The following SOHLH1 variants were observed in gnomAD, a reference collection of about 807,000 sequenced individuals.
The protein encoded by SOHLH1 is spermatogenesis and oogenesis specific basic helix-loop-helix 1, also known as spermatogenesis- and oogenesis-specific basic helix-loop-helix-containing protein 1.
SOHLH1 carries 23 observed loss-of-function variants against 36.2 expected under a neutral mutation model. That is an observed-to-expected ratio of 0.64 (90% CI 0.46 to 0.90). The LOEUF is 0.90. Ranked by LOEUF, SOHLH1 falls within the 40% of genes least tolerant of loss-of-function variation. The pLI, the probability that SOHLH1 is intolerant of heterozygous loss-of-function variation, is 0.00. For missense variants in SOHLH1, 608 were observed against 517.0 expected (o/e 1.18, Z -1.71); for synonymous variants, 289 against 228.3 (o/e 1.27, Z -2.40).
Position 135,697,638 on chromosome 9 carries a change from A to G in SOHLH1, c.346-11T>C. 1 of 1,609,542 alleles carries G rather than the reference A, an allele frequency of 6.2e-7. No homozygotes were observed. The highest frequency in any genetic ancestry group is 1.3e-5 in the African/African-American group (1 of 75,004). ...GGAGGAAGCAAGAATCTGAAATTTAAGTAAACATGTAAAACAAAGACAGAG... is the reference window on the plus strand; with the variant it reads ...GGAGGAAGCAAGAATCTGAAATTTAGGTAAACATGTAAAACAAAGACAGAG... On this transcript the variant is annotated splice_polypyrimidine_tract_variant and intron_variant, in intron 3 of 7. Transcript: ENST00000425225.
chr9:135,699,491 C>G (rs751452335), upstream of SOHLH1: 4 of 1,608,028 alleles, frequency 2.5e-6, no homozygotes, highest in Non-Finnish European at 3.4e-6. Context: ...CGGAGCGACC[C>G]CACGCGCACG....
chr9:135,693,934 T>C, intron 7 of SOHLH1, 120 bp from the exon 8 acceptor site: 1 of 1,447,226 alleles, frequency 6.9e-7, no homozygotes, highest in Non-Finnish European at 9.1e-7. Flanking sequence ...CTGTCCCCGC[T>C]GCACAGAGGC....
At position 135,699,078 on chromosome 9, in the gene SOHLH1, G is replaced by A. The variant is rs142235622; in HGVS notation, c.114C>T (p.Gly38=). The A allele has an allele frequency of 3.3e-5, 53 of 1,610,508 alleles. No homozygotes were observed. The highest frequency in any genetic ancestry group is 4.2e-5 in the Non-Finnish European group (50 of 1,179,522). ...ALSCCEDSAR[G]SGPPKAPTVA... ...CCGTAGGGGCCTTGGGCGGGCCCGA[G>A]CCCCGGGCCGAGTCCTCGCAGCAGG... Residue 38 remains glycine, a synonymous_variant, in exon 2 of 8, where the codon GGC becomes GGT. Transcript: ENST00000425225.
At chr9:135,694,990 G>A (rs1834730240) in intron 6 of SOHLH1, 60 bp downstream of exon 6, 1 of 1,500,812 alleles carries the variant, frequency 6.7e-7, no homozygotes, top group Admixed American at 1.9e-5. Flanking sequence ...AGGTGGGACA[G>A]GCTCACACAC....
chr9:135,693,706 T>G lies in SOHLH1; in HGVS notation c.1055A>C (p.Gln352Pro), dbSNP rs1225236163. 4 of 1,575,390 alleles carry G rather than the reference T, an allele frequency of 2.5e-6. No individual in the cohort carries two copies. Among genetic ancestry groups the G allele is most frequent in the Non-Finnish European group, 3.4e-6 (4 of 1,161,452 alleles). The change falls in exon 8 of 8, where the codon CAG becomes CCG. Residue 352 changes from glutamine to proline, a missense_variant. Physicochemically the swap from Gln to Pro is moderately conservative, Grantham distance 76. Coordinates refer to ENST00000425225, the MANE Select transcript of SOHLH1 (RefSeq NM_001101677.2). The stretch of plus-strand genomic sequence containing the variant: ...CTCCAGAGGGCTGTCCTGGAGCTCC[T>G]GGGAGCCAAGCTCAGGGTCCCCTAG... Reference protein sequence around the residue: ...GFLGDPELGSQELQDSPLEPW... With the variant: ...GFLGDPELGSPELQDSPLEPW...
In SOHLH1 at chr9:135,695,063, C is replaced by T. The variant is rs1455994558; in HGVS notation, c.862G>A (p.Ala288Thr). The T allele has an allele frequency of 2.5e-6, 4 of 1,595,792 alleles. No individual in the cohort carries two copies. Among genetic ancestry groups the T allele is most frequent in the Non-Finnish European group, 3.4e-6 (4 of 1,173,470 alleles). Residue 288 changes from alanine to threonine, a missense_variant, in exon 6 of 8, where the codon GCG becomes ACG. Coordinates refer to ENST00000425225, the MANE Select transcript of SOHLH1 (RefSeq NM_001101677.2). ...GEPAKEDPMLAQEAGSALGSD... is the reference protein window; with the variant it reads ...GEPAKEDPMLTQEAGSALGSD... Reference sequence around the variant, plus strand: ...CTGGGCACTCACCCGGCCTCCTGCGCCAGCATGGGGTCCTCCTTGGCTGGC... The same window carrying T: ...CTGGGCACTCACCCGGCCTCCTGCGTCAGCATGGGGTCCTCCTTGGCTGGC...
rs946851325 is a variant in SOHLH1 at position 135,697,582 on chromosome 9, C to T, written c.391G>A (p.Val131Ile). The T allele has an allele frequency of 3.7e-6, 6 of 1,612,510 alleles. No individual in the cohort carries two copies. The highest frequency in any genetic ancestry group is 1.7e-5 in the Admixed American group (1 of 59,990). ...KEMWHSLQED[V>I]LQLTLSSQIQ... ...TGACTCGACAACGTCAACTGTAAAA[C>T]ATCCTCCTGCAACGAGTGCCACATT... The change falls in exon 4 of 8, where the codon GTT (valine) becomes ATT (isoleucine). Residue 131 changes from valine to isoleucine, a missense_variant. Physicochemically the swap from Val to Ile is conservative, Grantham distance 29. Transcript: ENST00000425225.
At chr9:135,698,196 G>A (rs1588234270) in intron 3 of SOHLH1, 133 bp downstream of exon 3, 1 of 1,220,864 alleles carries the variant, frequency 8.2e-7, no homozygotes, top group East Asian at 2.3e-5. Context: ...CCGAAAACGT[G>A]GCCTGCTCTA....
intron 7 of SOHLH1, 158 bp from the exon 8 acceptor site, chr9:135,693,972 G>T: frequency 1.4e-6 from 2 of 1,430,288 alleles, no homozygotes; most frequent in Non-Finnish European, 1.8e-6. Flanking sequence ...GCTCATACCT[G>T]GTGGCCCCAG....
Position 135,693,847 on chromosome 9 carries a change from G to A in SOHLH1, c.947-33C>T, listed in dbSNP as rs1220054841. ...CAAACAGGACACATCGGCAGGGCAGGCAGGTGCTCTGGGAGCTTGAGGCAG... is the reference window on the plus strand; with the variant it reads ...CAAACAGGACACATCGGCAGGGCAGACAGGTGCTCTGGGAGCTTGAGGCAG... On this transcript the variant is annotated intron_variant, in intron 7 of 7. Transcript: ENST00000425225. 14 of 1,528,778 alleles carry A rather than the reference G, an allele frequency of 9.2e-6. No homozygotes were observed. The South Asian group carries it at 1.7e-4, about 18-fold the overall frequency. The allele number at this position is 1,528,778 out of a possible 1,614,324, so 94.7% of individuals were successfully genotyped here. A position where few individuals can be genotyped will look rare whatever the true frequency, so the allele number is the denominator to read the frequency against.
At chr9:135,697,752 T>C in intron 3 of SOHLH1, 125 bp from the exon 4 acceptor site, 2 of 1,182,712 alleles carry the variant, frequency 1.7e-6, no homozygotes, top group Non-Finnish European at 2.4e-6. Context: ...CGCTTGGAAC[T>C]TGGGGGCGAG....
upstream of SOHLH1, among the ~76,000 whole-genome samples, chr9:135,700,407 G>T (rs1049168611): frequency 1.3e-5 from 2 of 152,004 alleles, no homozygotes; most frequent in African/African-American, 4.8e-5. Context: ...TTTCACGGAG[G>T]TTGCGGGGGG....
At chr9:135,695,797 C>CCT (rs1728920149) in intron 5 of SOHLH1, among the ~76,000 whole-genome samples, 2 of 152,126 alleles carry the variant, frequency 1.3e-5, no homozygotes, top group Non-Finnish European at 2.9e-5. Context: ...TCAGAGGCGC[C>CCT]CTGCAGGGCC....
At position 135,696,673 on chromosome 9, in the gene SOHLH1, C is replaced by T. The variant is rs374493888; in HGVS notation, c.600G>A (p.Thr200=). 9.9e-6 allele frequency: 16 copies of T among 1,612,790 alleles called. No individual in the cohort carries two copies. Among genetic ancestry groups the T allele is most frequent in the Non-Finnish European group, 1.3e-5 (15 of 1,179,926 alleles). ...GCCCCAACAGTGCCTCACACTTGTC[C>T]GTGCCCAGGGACGTGCAGCTCGCGG... ...WDPASCTSLG[T]DKCEALLGLC... is the part of the protein sequence containing the mutation. The change falls in exon 5 of 8, where the codon ACG becomes ACA. Residue 200 remains threonine, a synonymous_variant. Coordinates refer to ENST00000425225, the MANE Select transcript of SOHLH1 (RefSeq NM_001101677.2).
chr9:135,699,635 A>G (rs1055449690), upstream of SOHLH1: 19 of 694,462 alleles, frequency 2.7e-5, no homozygotes, highest in Admixed American at 2.6e-4. Flanking sequence ...CCACGCAGCC[A>G]GCCCGGGGCC....
At chr9:135,696,971 C>A (rs1055446535) in intron 4 of SOHLH1, among the ~76,000 whole-genome samples, 166 bp from the exon 5 acceptor site, 16 of 152,116 alleles carry the variant, frequency 1.1e-4, no homozygotes, top group African/African-American at 3.9e-4. Flanking sequence ...AGCCAAGCTC[C>A]ACAGCTGTCT....
At chr9:135,694,993 T>A in intron 6 of SOHLH1, 57 bp downstream of exon 6, 2 of 1,510,292 alleles carry the variant, frequency 1.3e-6, no homozygotes, top group South Asian at 2.4e-5. Context: ...TGGGACAGGC[T>A]CACACACACA....
upstream of SOHLH1, among the ~76,000 whole-genome samples, chr9:135,700,779 G>C (rs959030811): frequency 6.6e-6 from 1 of 152,142 alleles, no homozygotes; most frequent in Non-Finnish European, 1.5e-5. Context: ...AGGAGGACGG[G>C]GTTGGAGAGG....
Position 135,695,059 on chromosome 9 carries a change from T to G in SOHLH1, c.866A>C (p.Gln289Pro). Residue 289 changes from glutamine to proline, a missense_variant, in exon 6 of 8, where the codon CAG (glutamine) becomes CCG (proline). Gln to Pro is a moderately conservative substitution (Grantham distance 76). Coordinates refer to ENST00000425225, the MANE Select transcript of SOHLH1 (RefSeq NM_001101677.2). ...CCACCTGGGCACTCACCCGGCCTCC[T>G]GCGCCAGCATGGGGTCCTCCTTGGC... ...EPAKEDPMLA[Q>P]EAGSALGSDV... 3 of 1,594,238 alleles carry G rather than the reference T, an allele frequency of 1.9e-6. No homozygotes were observed. In the South Asian group the frequency reaches 3.4e-5, roughly 18 times the overall value.
Sources: allele counts gnomAD v4.1 joint callset (sites outside exome capture counted in the v4.1 genomes callset), GRCh38; gene constraint gnomAD v4.1.1; transcripts MANE v1.5; gene names NCBI Gene and HGNC (gene_info 2026-07-23, HGNC 2026-07-21).